Variants in GLI2 observed in about 807,000 individuals in gnomAD.
GLI2 encodes the protein GLI family zinc finger 2.
A neutral mutation model predicts 78.9 loss-of-function variants in GLI2; 22 were observed. The observed-to-expected ratio is 0.28, with a 90% CI of 0.20 to 0.40. GLI2 has a LOEUF of 0.40. Among genes scored for constraint, GLI2 ranks in the 10% least tolerant of loss-of-function variants. The pLI is 1.00. For missense variants in GLI2, 2,097 were observed against 2,213.2 expected (o/e 0.95, Z 1.05); for synonymous variants, 974 against 963.7 (o/e 1.01, Z -0.20).
At chr2:120,933,532 C>G (rs987705472) in intron 3 of GLI2, among the ~76,000 whole-genome samples, 1 of 152,170 alleles carries the variant, frequency 6.6e-6, no homozygotes, top group African/African-American at 2.4e-5. Flanking sequence ...CCACACACCC[C>G]CAGCAGTCTC....
intron 7 of GLI2, 138 bp downstream of exon 7, chr2:120,970,744 G>A: frequency 1.4e-6 from 1 of 724,300 alleles, no homozygotes; most frequent in Non-Finnish European, 2.4e-6. Context: ...TCTGGGCAGA[G>A]GCCACGTTAC....
At chr2:120,965,128 C>T (rs1314220319) in intron 5 of GLI2, among the ~76,000 whole-genome samples, 2 of 152,258 alleles carry the variant, frequency 1.3e-5, no homozygotes, top group Non-Finnish European at 2.9e-5. Context: ...GGAGCACGCT[C>T]CAGCCAGGAT....
chr2:120,909,478 G>A (rs574544083), intron 2 of GLI2, among the ~76,000 whole-genome samples: 9 of 152,292 alleles, frequency 5.9e-5, no homozygotes, highest in African/African-American at 1.9e-4. Flanking sequence ...AAAGGACATT[G>A]ACTTCATGGC....
intron 2 of GLI2, among the ~76,000 whole-genome samples, chr2:120,835,639 G>A (rs1457329221): frequency 1.3e-5 from 2 of 152,104 alleles, no homozygotes; most frequent in African/African-American, 4.8e-5. Flanking sequence ...GCCCACCTCA[G>A]CTTCCCAAAG....
chr2:120,773,726 C>T (rs2104660660), intron 1 of GLI2, among the ~76,000 whole-genome samples: 1 of 152,230 alleles, frequency 6.6e-6, no homozygotes, highest in South Asian at 2.1e-4. Flanking sequence ...TGGCAGGTGG[C>T]AGGCAGCACG....
intron 2 of GLI2, among the ~76,000 whole-genome samples, chr2:120,834,573 C>T (rs1326224008): frequency 6.6e-6 from 1 of 152,160 alleles, no homozygotes; most frequent in Non-Finnish European, 1.5e-5. Flanking sequence ...TTGGGAGGGG[C>T]TGCCTTCCCT....
intron 2 of GLI2, among the ~76,000 whole-genome samples, chr2:120,885,848 G>A (rs1376416042): frequency 3.3e-5 from 5 of 152,198 alleles, no homozygotes; most frequent in African/African-American, 9.7e-5. Flanking sequence ...GGGGCCTCAC[G>A]TGTGGGACAC....
chr2:120,740,912 C>T (rs971454691), intron 1 of GLI2, among the ~76,000 whole-genome samples: 12 of 152,364 alleles, frequency 7.9e-5, no homozygotes, highest in Admixed American at 3.3e-4. Flanking sequence ...GGGGACTCCA[C>T]AGGCCTGTGG....
chr2:120,795,841 G>A (rs904261217), intron 1 of GLI2, among the ~76,000 whole-genome samples: 2 of 152,062 alleles, frequency 1.3e-5, no homozygotes, highest in African/African-American at 4.8e-5. Flanking sequence ...CCTGAGGTCA[G>A]GAGTTTGAGA....
chr2:120,955,568 C>G, intron 5 of GLI2, 138 bp downstream of exon 5: 1 of 614,790 alleles, frequency 1.6e-6, no homozygotes, highest in Non-Finnish European at 2.8e-6. Context: ...TCCAGGATGG[C>G]TGTCCACAGG....
chr2:120,953,694 T>C (rs769383942), intron 4 of GLI2, among the ~76,000 whole-genome samples: 56 of 152,172 alleles, frequency 3.7e-4, no homozygotes, highest in Admixed American at 7.8e-4. Flanking sequence ...GTGTAGCCCA[T>C]GAAGAGCTGG....
At chr2:120,886,159 A>AGTGT (rs532891541) in intron 2 of GLI2, among the ~76,000 whole-genome samples, 12 of 116,752 alleles carry the variant, frequency 1.0e-4, no homozygotes, top group Non-Finnish European at 1.2e-4. Flanking sequence ...ATTTTTCCAA[A>AGTGT]GTGTGTGTGT....
intron 3 of GLI2, among the ~76,000 whole-genome samples, chr2:120,946,342 A>G (rs1468465890): frequency 6.6e-6 from 1 of 152,178 alleles, no homozygotes; most frequent in Non-Finnish European, 1.5e-5. Flanking sequence ...GGCAATGCAT[A>G]GGGGCAGTGT....
chr2:120,837,598 G>A (rs900552599), intron 2 of GLI2, among the ~76,000 whole-genome samples: 1 of 152,008 alleles, frequency 6.6e-6, no homozygotes, highest in African/African-American at 2.4e-5. Context: ...GAGGTCATAC[G>A]GCTATTCTCC....
At chr2:120,852,314 G>A (rs1484838418) in intron 2 of GLI2, among the ~76,000 whole-genome samples, 4 of 152,154 alleles carry the variant, frequency 2.6e-5, no homozygotes, top group East Asian at 1.9e-4. Flanking sequence ...CCCATGCAGC[G>A]GGGCTCCTCC....
At chr2:120,912,687 G>A (rs910049770) in intron 2 of GLI2, among the ~76,000 whole-genome samples, 1 of 152,174 alleles carries the variant, frequency 6.6e-6, no homozygotes, top group African/African-American at 2.4e-5. Flanking sequence ...CGGTCCTGCC[G>A]CACTGCCCCT....
intron 2 of GLI2, among the ~76,000 whole-genome samples, chr2:120,856,856 C>A (rs943099624): frequency 7.7e-6 from 1 of 130,226 alleles, no homozygotes; most frequent in Admixed American, 8.0e-5. Flanking sequence ...AGGACTTGGG[C>A]CTTTGGTGTG....
Position 120,986,185 on chromosome 2 carries a change from G to T in GLI2, c.1906-93G>T, listed in dbSNP as rs1682961163. On this transcript the variant is annotated intron_variant, in intron 12 of 13. Transcript: ENST00000361492. ...CCCTCACCCTCAGCCCCTCAGGGTG[G>T]GCGAGGGTGTGGTGCCTGTGCAGGC... is the stretch of plus-strand genomic sequence containing the variant. The T allele has an allele frequency of 1.7e-5, 19 of 1,140,760 alleles. No homozygotes were observed. In the South Asian group the frequency reaches 2.0e-4, roughly 12 times the overall value. The allele number at this position is 1,140,760 out of a possible 1,614,324, so 70.7% of individuals were successfully genotyped here. A position where few individuals can be genotyped will look rare whatever the true frequency, so the allele number is the denominator to read the frequency against.
At chr2:120,932,198 G>C (rs1347818523) in intron 3 of GLI2, among the ~76,000 whole-genome samples, 1 of 152,202 alleles carries the variant, frequency 6.6e-6, no homozygotes, top group East Asian at 1.9e-4. Context: ...CACCAAATGT[G>C]TCTAATTACA....
Sources: gnomAD v4.1 joint callset for allele counts (sites outside exome capture counted in the v4.1 genomes callset) on GRCh38, gnomAD v4.1.1 for gene constraint, MANE v1.5 for transcripts, NCBI Gene and HGNC (gene_info 2026-07-23, HGNC 2026-07-21) for gene names.